Variants in UBE2W observed in about 807,000 individuals in gnomAD.
UBE2W encodes ubiquitin-conjugating enzyme E2 W.
Under a neutral mutation model 27.2 loss-of-function variants are expected in UBE2W, and 18 were observed. The ratio of observed to expected loss-of-function variants is 0.66; its 90% CI spans 0.46 to 0.98. The LOEUF (loss-of-function observed/expected upper bound fraction) is 0.98. UBE2W is among the 50% of genes least tolerant of loss of function. The pLI is 0.00. For synonymous variants in UBE2W, 53 were observed against 57.2 expected (o/e 0.93, Z 0.33); for missense variants, 90 against 180.2 (o/e 0.50, Z 2.87).
At chr8:73,844,389 T>C (rs1810680124) in intron 1 of UBE2W, among the ~76,000 whole-genome samples, 1 of 152,198 alleles carries the variant, frequency 6.6e-6, no homozygotes, top group South Asian at 2.1e-4. Flanking sequence ...CCGTGAGTGA[T>C]CTGCCAGCCT....
chr8:73,831,222 GA>G, intron 1 of UBE2W: 1 of 396,780 alleles, frequency 2.5e-6, no homozygotes, highest in Admixed American at 4.2e-5. Flanking sequence ...GGAAGACCTA[GA>G]AGGCATGAAA....
intron 1 of UBE2W, among the ~76,000 whole-genome samples, chr8:73,861,886 G>A (rs1811547268): frequency 6.6e-6 from 1 of 152,164 alleles, no homozygotes; most frequent in African/African-American, 2.4e-5. Flanking sequence ...CAGTCAATAA[G>A]TGCTCAGATA....
At chr8:73,800,124 T>C (rs754075025) in intron 5 of UBE2W, among the ~76,000 whole-genome samples, 1 of 152,148 alleles carries the variant, frequency 6.6e-6, no homozygotes, top group Non-Finnish European at 1.5e-5. Flanking sequence ...GAGAAGACAG[T>C]ATGTGCTACA....
At chr8:73,875,408 A>G (rs1035313697) in intron 1 of UBE2W, among the ~76,000 whole-genome samples, 17 of 152,210 alleles carry the variant, frequency 1.1e-4, no homozygotes, top group African/African-American at 4.1e-4. Context: ...ACGCACTGAC[A>G]GAATACATTA....
chr8:73,785,625 GCT>G (rs1807927534), downstream of UBE2W, among the ~76,000 whole-genome samples: 1 of 151,310 alleles, frequency 6.6e-6, no homozygotes, highest in African/African-American at 2.4e-5. Flanking sequence ...ACGGAATCTC[GCT>G]CTGTCCCAGG....
chr8:73,813,355 T>TA (rs1323555637), intron 3 of UBE2W, among the ~76,000 whole-genome samples: 1 of 152,310 alleles, frequency 6.6e-6, no homozygotes, highest in East Asian at 1.9e-4. Context: ...AGAAAACACC[T>TA]ACAGCAGATG....
chr8:73,792,974 T>C lies in UBE2W; in HGVS notation c.*1128A>G. On this transcript the variant is annotated 3_prime_UTR_variant, in exon 6 of 6. Coordinates refer to ENST00000602593, the MANE Select transcript of UBE2W (RefSeq NM_018299.6). ...CTCTTTTGTTAAAACATTAAGCCTCTGTCAAAAATGTATTTCTTATTTTAG... is the reference window on the plus strand; with the variant it reads ...CTCTTTTGTTAAAACATTAAGCCTCCGTCAAAAATGTATTTCTTATTTTAG... 2.0e-6 allele frequency: 2 copies of C among 985,560 alleles called. No individual in the cohort carries two copies. The highest frequency in any genetic ancestry group is 2.4e-6 in the Non-Finnish European group (2 of 829,656). 61.1% of individuals were successfully genotyped at this position (985,560 alleles called of 1,614,324 possible).
chr8:73,866,200 G>A (rs1339353159), intron 1 of UBE2W, among the ~76,000 whole-genome samples: 1 of 149,310 alleles, frequency 6.7e-6, no homozygotes, highest in Non-Finnish European at 1.5e-5. Context: ...GAACCCGGGG[G>A]GTGGAGGTTG....
At chr8:73,824,462 T>C (rs1196986512) in intron 3 of UBE2W, among the ~76,000 whole-genome samples, 1 of 152,210 alleles carries the variant, frequency 6.6e-6, no homozygotes, top group African/African-American at 2.4e-5. Context: ...AACAGAGAAC[T>C]TTTCTCTTCA....
In UBE2W at chr8:73,865,180, C is replaced by CAAAAAAAAAAAAAAAAA. The variant is rs11354153; in HGVS notation, c.15+13611_15+13627dup. Among the ~76,000 whole-genome samples, 15 of 32,854 alleles carry CAAAAAAAAAAAAAAAAA rather than the reference C, an allele frequency of 4.6e-4. 2 individuals carry two copies. Among genetic ancestry groups the CAAAAAAAAAAAAAAAAA allele is most frequent in the African/African-American group, 1.2e-3 (14 of 11,930 alleles). 21.6% of individuals were successfully genotyped at this position (32,854 alleles called of 152,430 possible). ...CACTGCTCTTTAAGTGTGCAAACGT[C>CAAAAAAAAAAAAAAAAA]AAAAAAAAAAAAAAAAAAAAAAAAA... On this transcript the variant is annotated intron_variant, in intron 1 of 5. Coordinates refer to ENST00000602593, the MANE Select transcript of UBE2W (RefSeq NM_018299.6).
downstream of UBE2W, among the ~76,000 whole-genome samples, chr8:73,785,616 C>A (rs542187556): frequency 6.6e-6 from 1 of 151,594 alleles, no homozygotes. Flanking sequence ...CTTTTAGAGA[C>A]GGAATCTCGC....
chr8:73,792,090 A>T lies in UBE2W; in HGVS notation c.*2012T>A. On this transcript the variant is annotated 3_prime_UTR_variant, in exon 6 of 6. Coordinates refer to ENST00000602593, the MANE Select transcript of UBE2W (RefSeq NM_018299.6). ...CCAGAAGAAGATCAAGTCAAACAGT[A>T]GTGTAGAGCAGTTACGCAAAATATG... 3 of 985,320 alleles carry T rather than the reference A, an allele frequency of 3.0e-6. No individual in the cohort carries two copies. Among genetic ancestry groups the T allele is most frequent in the Non-Finnish European group, 3.6e-6 (3 of 829,816 alleles). 61.0% of individuals were successfully genotyped at this position (985,320 alleles called of 1,614,324 possible).
intron 1 of UBE2W, among the ~76,000 whole-genome samples, chr8:73,873,790 T>C (rs1163019924): frequency 6.6e-6 from 1 of 152,214 alleles, no homozygotes; most frequent in Non-Finnish European, 1.5e-5. Context: ...AATTGACAGT[T>C]AACAGTCTAA....
At chr8:73,831,235 G>T in intron 1 of UBE2W, 1 of 341,418 alleles carries the variant, frequency 2.9e-6, no homozygotes, top group East Asian at 8.2e-5. Context: ...GGCATGAAAA[G>T]ATTAAGGAAA....
chr8:73,810,455 T>C lies in UBE2W; in HGVS notation c.366+19A>G, dbSNP rs1809107273. Reference sequence around the variant, plus strand: ...CTGAAAGAAGAGATATTATCTGGAATAATTCTGAAAAGTCTTACCTTTTCC... The same window carrying C: ...CTGAAAGAAGAGATATTATCTGGAACAATTCTGAAAAGTCTTACCTTTTCC... On this transcript the variant is annotated intron_variant, in intron 4 of 5. Transcript: ENST00000602593. 6.2e-7 allele frequency: 1 copy of C among 1,600,380 alleles called. No homozygotes were observed. The highest frequency in any genetic ancestry group is 1.7e-5 in the Admixed American group (1 of 58,342).
chr8:73,873,009 G>T (rs1812069086), intron 1 of UBE2W, among the ~76,000 whole-genome samples: 1 of 151,730 alleles, frequency 6.6e-6, no homozygotes, highest in African/African-American at 2.4e-5. Context: ...GGGCCCAAGG[G>T]ATTCTCCTGC....
chr8:73,836,283 G>A (rs1810305792), intron 1 of UBE2W, among the ~76,000 whole-genome samples: 1 of 152,072 alleles, frequency 6.6e-6, no homozygotes, highest in African/African-American at 2.4e-5. Context: ...TAGCTACTAG[G>A]CAATAAACTG....
At position 73,864,493 on chromosome 8, in the gene UBE2W, G is replaced by A. The variant is rs540839796; in HGVS notation, c.15+14315C>T. On this transcript the variant is annotated intron_variant, in intron 1 of 5. Transcript: ENST00000602593. ...GTAAATATGGAATCCATGGTTAGAG[G>A]AAATACAGGGTTAGATTCCTGCCAG... Among the ~76,000 whole-genome samples the A allele has an allele frequency of 3.2e-4, 49 of 152,202 alleles. 1 individual carries two copies. The highest frequency in any genetic ancestry group is 6.3e-4 in the Non-Finnish European group (43 of 68,008).
intron 1 of UBE2W, among the ~76,000 whole-genome samples, chr8:73,862,650 A>G (rs961080979): frequency 2.9e-5 from 4 of 135,748 alleles, no homozygotes; most frequent in African/African-American, 1.1e-4. Context: ...AACCTACAAA[A>G]TGGGAGAAAA....
Sources: gnomAD v4.1 joint callset for allele counts (sites outside exome capture counted in the v4.1 genomes callset) on GRCh38, gnomAD v4.1.1 for gene constraint, MANE v1.5 for transcripts, NCBI Gene and HGNC (gene_info 2026-07-23, HGNC 2026-07-21) for gene names.